The following ZMYM2 variants were observed in gnomAD, a reference collection of about 807,000 sequenced individuals.
ZMYM2 encodes the protein zinc finger MYM-type containing 2, also known as zinc finger MYM-type protein 2.
A neutral mutation model predicts 162.8 loss-of-function variants in ZMYM2; 56 were observed. The observed-to-expected ratio is 0.34, with a 90% CI of 0.28 to 0.43. The LOEUF (loss-of-function observed/expected upper bound fraction) is 0.43, where lower values mean the gene tolerates loss of function less well. Ranked by LOEUF, ZMYM2 falls within the 20% of genes least tolerant of loss-of-function variation. ZMYM2 has a pLI of 1.00. For missense variants in ZMYM2, 1,275 were observed against 1,621.8 expected (o/e 0.79, Z 3.67); for synonymous variants, 510 against 541.6 (o/e 0.94, Z 0.81).
At chr13:19,876,768 A>C in the ZMYM2 span, among the ~76,000 whole-genome samples, 42 of 152,194 alleles carry the variant, frequency 2.8e-4, no homozygotes, top group African/African-American at 9.6e-4. Flanking sequence ...CTTATCTTGC[A>C]AAAAGTGAAG....
chr13:20,025,038 T>G (rs1952454274), intron 7 of ZMYM2: 1 of 213,622 alleles, frequency 4.7e-6, no homozygotes, highest in Non-Finnish European at 9.5e-6. Context: ...TGATGTTGAT[T>G]GTATTTTTTT....
intron 19 of ZMYM2, among the ~76,000 whole-genome samples, chr13:20,066,420 T>C (rs1593202736): frequency 6.6e-6 from 1 of 152,222 alleles, no homozygotes; most frequent in Non-Finnish European, 1.5e-5. Context: ...TAACTACTAG[T>C]AGCCTACTGT....
chr13:19,974,691 C>CT (rs1466378875), intron 2 of ZMYM2, among the ~76,000 whole-genome samples: 3 of 152,086 alleles, frequency 2.0e-5, no homozygotes, highest in Non-Finnish European at 4.4e-5. Context: ...AGGCTGATCT[C>CT]TAACTCCTGA....
At chr13:20,040,309 G>A (rs1320699792) in intron 12 of ZMYM2, among the ~76,000 whole-genome samples, 1 of 152,132 alleles carries the variant, frequency 6.6e-6, no homozygotes, top group Non-Finnish European at 1.5e-5. Context: ...TCCTGGCTCA[G>A]TCTTGGGAGG....
chr13:20,046,562 A>T (rs1392235395), intron 12 of ZMYM2, among the ~76,000 whole-genome samples: 15 of 20,148 alleles, frequency 7.4e-4, no homozygotes, highest in Admixed American at 1.7e-3. Context: ...TCTAAAAAAA[A>T]AAATATATAT....
intron 2 of ZMYM2, among the ~76,000 whole-genome samples, chr13:19,970,626 C>T (rs1303596692): frequency 4.3e-5 from 6 of 138,346 alleles, no homozygotes; most frequent in African/African-American, 1.6e-4. Context: ...AAAAAAAGGG[C>T]ATCCTCTCAG....
chr13:20,065,684 G>A (rs1263192560), intron 19 of ZMYM2, among the ~76,000 whole-genome samples: 1 of 152,102 alleles, frequency 6.6e-6, no homozygotes, highest in East Asian at 1.9e-4. Context: ...CGTGCCTGCA[G>A]TCCCAGCTAC....
the ZMYM2 span, among the ~76,000 whole-genome samples, chr13:19,901,785 T>A: frequency 7.2e-5 from 11 of 151,966 alleles, no homozygotes; most frequent in African/African-American, 2.4e-4. Flanking sequence ...CAACTTTTTT[T>A]AAAAAAGGAG....
chr13:19,980,350 C>CT (rs1035657717), intron 2 of ZMYM2, among the ~76,000 whole-genome samples: 3 of 152,026 alleles, frequency 2.0e-5, no homozygotes, highest in Non-Finnish European at 2.9e-5. Flanking sequence ...CTGTTTCAGA[C>CT]TTTTTTTGTC....
At chr13:19,987,111 CAAAAAAAAA>C (rs58588019) in intron 2 of ZMYM2, among the ~76,000 whole-genome samples, 10,356 of 40,532 alleles carry the variant, frequency 0.26, 591 homozygotes, top group African/African-American at 0.39. Context: ...GGCTCCGTCT[CAAAAAAAAA>C]AAAAAAAAAA....
the ZMYM2 span, among the ~76,000 whole-genome samples, chr13:19,912,292 G>GTTTTTTTTTTTTT: frequency 1.1e-4 from 8 of 75,706 alleles, no homozygotes; most frequent in East Asian, 4.7e-4. Flanking sequence ...TGTTTTTTGG[G>GTTTTTTTTTTTTT]TTTTTTTTTT....
chr13:19,911,818 G>A, the ZMYM2 span, among the ~76,000 whole-genome samples: 346 of 152,314 alleles, frequency 2.3e-3, 1 homozygote, highest in African/African-American at 6.3e-3. Flanking sequence ...CTGTGGGAAA[G>A]GCCAAGTAGA....
chr13:20,036,695 ATG>A, intron 11 of ZMYM2, 40 bp from the exon 12 acceptor site: 2 of 1,410,674 alleles, frequency 1.4e-6, no homozygotes, highest in Non-Finnish European at 1.9e-6. Flanking sequence ...ATTAGTTTTC[ATG>A]TGTTTTTTTG....
At chr13:19,934,472 A>G in the ZMYM2 span, among the ~76,000 whole-genome samples, 1 of 152,084 alleles carries the variant, frequency 6.6e-6, no homozygotes, top group South Asian at 2.1e-4. Flanking sequence ...ATAATTTTCA[A>G]TTTCTTAAAT....
the ZMYM2 span, among the ~76,000 whole-genome samples, chr13:19,888,690 C>G: frequency 6.6e-6 from 1 of 151,842 alleles, no homozygotes; most frequent in South Asian, 2.1e-4. Flanking sequence ...ACCTCTGTCT[C>G]CTGATTTCAA....
intron 24 of ZMYM2, among the ~76,000 whole-genome samples, chr13:20,084,257 C>T (rs377112999): frequency 6.6e-6 from 1 of 152,200 alleles, no homozygotes; most frequent in Non-Finnish European, 1.5e-5. Context: ...AAGCCATCCT[C>T]GTGCCTCAGC....
the ZMYM2 span, among the ~76,000 whole-genome samples, chr13:19,935,395 C>T: frequency 1.3e-5 from 2 of 150,248 alleles, no homozygotes; most frequent in Non-Finnish European, 2.9e-5. Context: ...CCTCAGCCTC[C>T]CAAAGTGTTG....
chr13:20,055,288 A>G (rs1400516200), intron 14 of ZMYM2, among the ~76,000 whole-genome samples: 2 of 152,200 alleles, frequency 1.3e-5, no homozygotes, highest in Non-Finnish European at 2.9e-5. Flanking sequence ...TCGATACTTA[A>G]GTGCTTTCAC....
At chr13:19,977,944 T>G (rs1025158179) in intron 2 of ZMYM2, among the ~76,000 whole-genome samples, 1 of 150,694 alleles carries the variant, frequency 6.6e-6, no homozygotes, top group African/African-American at 2.4e-5. Context: ...TGGCACAATC[T>G]CGGCTCACTG....
Sources: gnomAD v4.1 joint callset for allele counts (sites outside exome capture counted in the v4.1 genomes callset) on GRCh38, gnomAD v4.1.1 for gene constraint, MANE v1.5 for transcripts, NCBI Gene and HGNC (gene_info 2026-07-23, HGNC 2026-07-21) for gene names.